EYA4: variants seen among roughly 807,000 people sequenced by gnomAD.
EYA4 encodes EYA transcriptional coactivator and phosphatase 4, also known as protein phosphatase EYA4.
EYA4 carries 31 observed loss-of-function variants against 87.9 expected under a neutral mutation model. The ratio of observed to expected loss-of-function variants is 0.35; its 90% confidence interval spans 0.27 to 0.48. EYA4 has a LOEUF of 0.48. Among genes scored for constraint, EYA4 ranks in the 20% least tolerant of loss-of-function variants. The pLI, the probability that EYA4 is intolerant of heterozygous loss-of-function variation, is 0.99. For missense variants in EYA4, 678 were observed against 761.4 expected (o/e 0.89, Z 1.29); for synonymous variants, 263 against 270.6 (o/e 0.97, Z 0.28).
Position 133,496,900 on chromosome 6 carries a change from T to G in EYA4, c.1192-9206T>G, listed in dbSNP as rs114235326. Among the ~76,000 whole-genome samples the G allele has an allele frequency of 4.2e-3, 646 of 152,272 alleles. 4 individuals are homozygous for G. The highest frequency in any genetic ancestry group is 0.014 in the African/African-American group (591 of 41,552). The stretch of plus-strand genomic sequence containing the variant: ...TGCACCATGTGAAGTGGCACTGCAG[T>G]GGCCTCAAGTATAGTGAGCTGGGAG... On this transcript the variant is annotated intron_variant, in intron 13 of 19. Coordinates refer to ENST00000355286, the MANE Select transcript of EYA4 (RefSeq NM_004100.5).
chr6:133,460,556 T>A (rs1200581772), intron 6 of EYA4, among the ~76,000 whole-genome samples: 1 of 152,170 alleles, frequency 6.6e-6, no homozygotes, highest in East Asian at 1.9e-4. Flanking sequence ...GCACTTTCTT[T>A]AATTATTACT....
At chr6:133,359,509 T>C (rs887036558) in intron 2 of EYA4, among the ~76,000 whole-genome samples, 2 of 152,324 alleles carry the variant, frequency 1.3e-5, no homozygotes, top group Non-Finnish European at 2.9e-5. Flanking sequence ...AATTCCCTTA[T>C]CTGTTTTTGA....
At chr6:133,366,350 T>C (rs554761464) in intron 2 of EYA4, among the ~76,000 whole-genome samples, 23 of 152,146 alleles carry the variant, frequency 1.5e-4, no homozygotes, top group Non-Finnish European at 2.8e-4. Context: ...TGTAGAGGTA[T>C]AAGTTAGGCA....
intron 3 of EYA4, among the ~76,000 whole-genome samples, chr6:133,403,461 T>G (rs993517179): frequency 1.2e-4 from 18 of 152,220 alleles, no homozygotes; most frequent in Non-Finnish European, 2.1e-4. Context: ...TTGCTCTAAA[T>G]GCCTGCTTTA....
At position 133,508,018 on chromosome 6, in the gene EYA4, A is replaced by T. The variant is rs899327259; in HGVS notation, c.1281+1823A>T. 3.1e-4 allele frequency among the ~76,000 whole-genome samples: 47 copies of T among 151,714 alleles called. 1 individual carries two copies. Among genetic ancestry groups the T allele is most frequent in the Non-Finnish European group, 8.8e-5 (6 of 67,896 alleles). ...CGCCAGTTAGAAAGTTTTTTTTTTT[A>T]AATGACAAGGTCTTAAATCCAGTTT... is the stretch of plus-strand genomic sequence containing the variant. On this transcript the variant is annotated intron_variant, in intron 14 of 19. Transcript: ENST00000355286.
chr6:133,337,017 A>T (rs1417256893), intron 2 of EYA4, among the ~76,000 whole-genome samples: 1 of 152,228 alleles, frequency 6.6e-6, no homozygotes, highest in African/African-American at 2.4e-5. Context: ...ACCAACTCAG[A>T]AAGTCACCCC....
intron 16 of EYA4, among the ~76,000 whole-genome samples, 178 bp downstream of exon 16, chr6:133,513,216 A>G (rs2128783278): frequency 6.6e-6 from 1 of 152,310 alleles, no homozygotes. Flanking sequence ...AAAATAAAAC[A>G]TGCACCACCG....
At chr6:133,448,817 T>C (rs1793116622) in intron 5 of EYA4, among the ~76,000 whole-genome samples, 1 of 152,172 alleles carries the variant, frequency 6.6e-6, no homozygotes, top group African/African-American at 2.4e-5. Flanking sequence ...AATTCTAATA[T>C]CCTAAAAAAA....
chr6:133,266,605 A>G (rs211440), intron 1 of EYA4, among the ~76,000 whole-genome samples: 22,618 of 152,162 alleles, frequency 0.15, 1,959 homozygotes, highest in East Asian at 0.22. Context: ...AGGTCAGGTG[A>G]GTAGGAAATT....
chr6:133,362,463 ACT>A (rs142049206), intron 2 of EYA4, among the ~76,000 whole-genome samples: 3,197 of 152,240 alleles, frequency 0.021, 114 homozygotes, highest in African/African-American at 0.073. Flanking sequence ...GCCTCGCAAA[ACT>A]CTCATAATTC....
chr6:133,481,680 A>G (rs1796233418), intron 12 of EYA4, 81 bp downstream of exon 12: 34 of 1,493,964 alleles, frequency 2.3e-5, no homozygotes, highest in Non-Finnish European at 2.9e-5. Context: ...CAGTTCCATT[A>G]TGTTTCAAAT....
At chr6:133,342,563 G>T (rs1215711129) in intron 2 of EYA4, among the ~76,000 whole-genome samples, 1 of 75,200 alleles carries the variant, frequency 1.3e-5, no homozygotes, top group Non-Finnish European at 2.5e-5. Flanking sequence ...CCAGTTTAAG[G>T]TACACACTGC....
intron 2 of EYA4, among the ~76,000 whole-genome samples, chr6:133,292,518 G>A (rs1171863135): frequency 6.6e-6 from 1 of 152,162 alleles, no homozygotes; most frequent in Non-Finnish European, 1.5e-5. Flanking sequence ...AACATGGATT[G>A]AATGTTGATG....
intron 3 of EYA4, among the ~76,000 whole-genome samples, chr6:133,445,549 T>G (rs1792735596): frequency 6.6e-6 from 1 of 151,902 alleles, no homozygotes; most frequent in Non-Finnish European, 1.5e-5. Flanking sequence ...TACTGCACAG[T>G]TCTTTTTCCT....
chr6:133,288,395 G>A (rs1017445268), intron 2 of EYA4, among the ~76,000 whole-genome samples: 1 of 152,184 alleles, frequency 6.6e-6, no homozygotes, highest in African/African-American at 2.4e-5. Flanking sequence ...ACCAAATAGA[G>A]TTAGTAGGAG....
At position 133,468,636 on chromosome 6, in the gene EYA4, C is replaced by T. The variant is rs764985361; in HGVS notation, c.875C>T (p.Ala292Val). 3.1e-6 allele frequency: 5 copies of T among 1,612,376 alleles called. No homozygotes were observed. The highest frequency in any genetic ancestry group is 2.5e-6 in the Non-Finnish European group (3 of 1,178,684). Residue 292 changes from alanine to valine, a missense_variant, in exon 11 of 20, where the codon GCG (alanine) becomes GTG (valine). By Grantham distance (64) the Ala-to-Val change is moderately conservative. Coordinates refer to ENST00000355286, the MANE Select transcript of EYA4 (RefSeq NM_004100.5). ...AQYYSASTYG[A>V]YMTSNNTADG... ...TATTATTCAGCATCAACGTATGGAG[C>T]GTATATGACATCGAATAACACAGCC...
At chr6:133,403,740 G>A (rs934125747) in intron 3 of EYA4, among the ~76,000 whole-genome samples, 3 of 152,264 alleles carry the variant, frequency 2.0e-5, no homozygotes, top group African/African-American at 7.2e-5. Flanking sequence ...TATAAGGAAG[G>A]AAGCCACTCT....
chr6:133,407,253 T>G lies in EYA4; in HGVS notation c.83+24812T>G, dbSNP rs1583196744. Among the ~76,000 whole-genome samples the G allele has an allele frequency of 5.2e-4, 6 of 11,452 alleles. No individual in the cohort carries two copies. The South Asian group carries it at 0.091, about 174-fold the overall frequency. The allele number at this position is 11,452 out of a possible 152,430, so 7.5% of individuals were successfully genotyped here. The stretch of plus-strand genomic sequence containing the variant: ...ACTGTGAAATAAAGGAGTCTAGGGT[T>G]TTTTTTTTTTTTTTTTGGAAGGAAA... On this transcript the variant is annotated intron_variant, in intron 3 of 19. Coordinates refer to ENST00000355286, the MANE Select transcript of EYA4 (RefSeq NM_004100.5).
intron 17 of EYA4, among the ~76,000 whole-genome samples, chr6:133,516,279 G>C (rs1387403816): frequency 6.6e-6 from 1 of 152,058 alleles, no homozygotes; most frequent in Non-Finnish European, 1.5e-5. Context: ...AAGAGTAACT[G>C]TTAGGTACTA....
Sources: allele counts gnomAD v4.1 joint callset (sites outside exome capture counted in the v4.1 genomes callset), GRCh38; gene constraint gnomAD v4.1.1; transcripts MANE v1.5; gene names NCBI Gene and HGNC (gene_info 2026-07-23, HGNC 2026-07-21).